The following DGKH variants were observed in gnomAD, a reference collection of about 807,000 sequenced individuals.
DGKH encodes the protein diacylglycerol kinase eta.
A neutral mutation model predicts 159.3 loss-of-function variants in DGKH; 90 were observed. That is an observed-to-expected ratio of 0.57 (90% confidence interval 0.48 to 0.67). The LOEUF (loss-of-function observed/expected upper bound fraction) is 0.67, where lower values mean the gene tolerates loss of function less well. Among genes scored for constraint, DGKH ranks in the 30% least tolerant of loss-of-function variants. The probability of loss-of-function intolerance (pLI) is 0.00; values close to 1 mark genes in which losing one functional copy is unlikely to be tolerated. For synonymous variants in DGKH, 536 were observed against 553.8 expected (o/e 0.97, Z 0.45); for missense variants, 1,181 against 1,506.1 (o/e 0.78, Z 3.57).
intron 1 of DGKH, among the ~76,000 whole-genome samples, chr13:42,087,374 T>A (rs1954328438): frequency 6.6e-6 from 1 of 152,106 alleles, no homozygotes; most frequent in Non-Finnish European, 1.5e-5. Context: ...CAGTGTAACA[T>A]TAATAATGTT....
At chr13:42,227,373 A>G (rs1355157699) in intron 29 of DGKH, among the ~76,000 whole-genome samples, 3 of 152,208 alleles carry the variant, frequency 2.0e-5, no homozygotes, top group African/African-American at 7.2e-5. Flanking sequence ...ACCTCCCCCA[A>G]AGAAGATTTA....
chr13:42,067,380 C>CA (rs1882654928), intron 1 of DGKH, among the ~76,000 whole-genome samples: 1 of 152,028 alleles, frequency 6.6e-6, no homozygotes, highest in South Asian at 2.1e-4. Context: ...AAAATAGATA[C>CA]TAGTTTATGC....
chr13:42,206,147 G>A lies in DGKH; in HGVS notation c.2601+1G>A. The A allele has an allele frequency of 7.1e-7, 1 of 1,405,416 alleles. No homozygotes were observed. The highest frequency in any genetic ancestry group is 1.8e-5 in the South Asian group (1 of 55,952). The allele number at this position is 1,405,416 out of a possible 1,614,324, so 87.1% of individuals were successfully genotyped here. A position where few individuals can be genotyped will look rare whatever the true frequency, so the allele number is the denominator to read the frequency against. On this transcript the variant is annotated splice_donor_variant, in intron 21 of 29. Coordinates refer to ENST00000337343, the MANE Select transcript of DGKH (RefSeq NM_178009.5). LOFTEE classifies it high-confidence loss of function. ...TTGGGGTGGAACTAAAGAGGATGAT[G>A]TAAGTAATGGGAGTAAATAGTTTGT...
At chr13:42,103,076 T>C (rs1210511021) in intron 1 of DGKH, among the ~76,000 whole-genome samples, 1 of 152,244 alleles carries the variant, frequency 6.6e-6, no homozygotes, top group Non-Finnish European at 1.5e-5. Context: ...TGAGATTTTT[T>C]GCCTCCCTTT....
chr13:42,200,251 T>A (rs963071480), intron 20 of DGKH, among the ~76,000 whole-genome samples: 1 of 152,178 alleles, frequency 6.6e-6, no homozygotes, highest in African/African-American at 2.4e-5. Flanking sequence ...ATAACAAAAG[T>A]TTTTCAAATC....
chr13:42,083,249 A>C (rs989117980), intron 1 of DGKH, among the ~76,000 whole-genome samples: 1 of 152,208 alleles, frequency 6.6e-6, no homozygotes, highest in African/African-American at 2.4e-5. Context: ...AAAAAGAGGG[A>C]GAGAGATTTG....
At chr13:42,130,677 G>A (rs947090938) in intron 3 of DGKH, among the ~76,000 whole-genome samples, 2 of 152,124 alleles carry the variant, frequency 1.3e-5, no homozygotes, top group African/African-American at 4.8e-5. Flanking sequence ...TGCTAAACAG[G>A]TGCACAGCGG....
intron 5 of DGKH, among the ~76,000 whole-genome samples, chr13:42,159,030 C>T (rs1956109501): frequency 6.6e-6 from 1 of 152,024 alleles, no homozygotes; most frequent in Non-Finnish European, 1.5e-5. Context: ...TTTTCTGTTC[C>T]TCTAAGTAGC....
chr13:42,073,218 C>A (rs1339753302), intron 1 of DGKH, among the ~76,000 whole-genome samples: 1 of 152,206 alleles, frequency 6.6e-6, no homozygotes, highest in Non-Finnish European at 1.5e-5. Flanking sequence ...GATATACCCT[C>A]AAGATTTTAG....
At chr13:42,192,787 C>T (rs958433132) in intron 16 of DGKH, among the ~76,000 whole-genome samples, 1 of 152,090 alleles carries the variant, frequency 6.6e-6, no homozygotes, top group African/African-American at 2.4e-5. Context: ...AGTTTTTAAA[C>T]TGATGATTTT....
intron 1 of DGKH, among the ~76,000 whole-genome samples, chr13:42,082,373 A>T (rs968468826): frequency 6.6e-6 from 1 of 152,090 alleles, no homozygotes; most frequent in South Asian, 2.1e-4. Flanking sequence ...TGTATTTTTA[A>T]TGACCTTCTT....
At chr13:42,191,484 T>G (rs889670229) in intron 16 of DGKH, among the ~76,000 whole-genome samples, 5 of 152,096 alleles carry the variant, frequency 3.3e-5, no homozygotes, top group African/African-American at 4.8e-5. Flanking sequence ...CATGTCCCCC[T>G]GAATCTAAAA....
intron 7 of DGKH, among the ~76,000 whole-genome samples, chr13:42,164,815 G>A (rs1362077204): frequency 6.6e-6 from 1 of 152,100 alleles, no homozygotes; most frequent in Non-Finnish European, 1.5e-5. Flanking sequence ...TAATAATAGG[G>A]AAATGTCATA....
chr13:42,103,541 G>C (rs1449109381), intron 1 of DGKH, among the ~76,000 whole-genome samples: 1 of 152,154 alleles, frequency 6.6e-6, no homozygotes, highest in African/African-American at 2.4e-5. Context: ...CCTTAGCAAA[G>C]TGCCTGAATC....
intron 7 of DGKH, among the ~76,000 whole-genome samples, chr13:42,164,420 C>A (rs956661720): frequency 6.6e-6 from 1 of 152,128 alleles, no homozygotes; most frequent in Non-Finnish European, 1.5e-5. Context: ...AGAAAACTGT[C>A]TAAAAACAGG....
chr13:42,175,950 A>G (rs578023169), intron 12 of DGKH, among the ~76,000 whole-genome samples: 1 of 152,364 alleles, frequency 6.6e-6, no homozygotes, highest in South Asian at 2.1e-4. Flanking sequence ...AAAACAGGAC[A>G]GAGGGGTAAA....
intron 1 of DGKH, chr13:42,066,730 T>C (rs548921404): frequency 6.6e-6 from 1 of 152,278 alleles, no homozygotes; most frequent in Admixed American, 6.5e-5. Flanking sequence ...ATGACGTGGT[T>C]TTGCATTTTT....
intron 3 of DGKH, among the ~76,000 whole-genome samples, chr13:42,154,551 G>A (rs753320221): frequency 5.9e-5 from 9 of 151,978 alleles, no homozygotes; most frequent in Non-Finnish European, 1.0e-4. Context: ...GATAAAAGTC[G>A]CAATTCTTTC....
intron 30 of DGKH, among the ~76,000 whole-genome samples, chr13:42,253,741 T>C (rs1405743114): frequency 6.6e-6 from 1 of 152,254 alleles, no homozygotes; most frequent in Non-Finnish European, 1.5e-5. Flanking sequence ...CTTAACTTTC[T>C]AGGTTCTTGC....
Sources: allele counts gnomAD v4.1 joint callset (sites outside exome capture counted in the v4.1 genomes callset), GRCh38; gene constraint gnomAD v4.1.1; transcripts MANE v1.5; gene names NCBI Gene and HGNC (gene_info 2026-07-23, HGNC 2026-07-21).